Variants in SNTG1 observed in about 807,000 individuals in gnomAD.
The protein encoded by SNTG1 is gamma-1-syntrophin.
In SNTG1, 39 loss-of-function variants were observed where a neutral mutation model predicts 74.7. That is an observed-to-expected ratio of 0.52 (90% CI 0.40 to 0.68). The LOEUF (loss-of-function observed/expected upper bound fraction) is 0.68. Among genes scored for constraint, SNTG1 ranks in the 30% least tolerant of loss-of-function variants. The pLI is 0.00. For synonymous variants in SNTG1, 254 were observed against 217.1 expected, an observed-to-expected ratio of 1.17 and a Z score of -1.49; for missense variants, 685 against 609.5, an observed-to-expected ratio of 1.12 and a Z score of -1.30.
intron 2 of SNTG1, among the ~76,000 whole-genome samples, chr8:50,198,323 A>G (rs1225669228): frequency 6.6e-6 from 1 of 152,224 alleles, no homozygotes; most frequent in Non-Finnish European, 1.5e-5. Flanking sequence ...TGTCCTGCTA[A>G]TAGCGTTTTT....
At chr8:50,363,840 C>A (rs900303128) in intron 2 of SNTG1, among the ~76,000 whole-genome samples, 1 of 152,054 alleles carries the variant, frequency 6.6e-6, no homozygotes, top group African/African-American at 2.4e-5. Context: ...TACTGGTCTA[C>A]CCAAGGATAG....
At chr8:49,937,799 G>C (rs900491387) in intron 1 of SNTG1, among the ~76,000 whole-genome samples, 1 of 152,152 alleles carries the variant, frequency 6.6e-6, no homozygotes, top group African/African-American at 2.4e-5. Flanking sequence ...TTTCCTTTTA[G>C]AGTTATTCAG....
intron 8 of SNTG1, among the ~76,000 whole-genome samples, chr8:50,494,279 A>G (rs755497963): frequency 6.6e-6 from 1 of 151,928 alleles, no homozygotes; most frequent in African/African-American, 2.4e-5. Flanking sequence ...GCAAAATTTC[A>G]TTTCTCACTT....
At chr8:50,320,010 G>T (rs563898884) in intron 2 of SNTG1, among the ~76,000 whole-genome samples, 2 of 152,164 alleles carry the variant, frequency 1.3e-5, no homozygotes, top group Non-Finnish European at 2.9e-5. Context: ...TGGTGTCAGG[G>T]TAATACTGAC....
At chr8:50,039,395 C>G (rs1290159455) in intron 1 of SNTG1, among the ~76,000 whole-genome samples, 1 of 130,326 alleles carries the variant, frequency 7.7e-6, no homozygotes, top group African/African-American at 2.9e-5. Context: ...GCGGAGCTTG[C>G]AGTGAGCCGA....
At chr8:50,338,319 A>T (rs1338921400) in intron 2 of SNTG1, among the ~76,000 whole-genome samples, 6 of 152,114 alleles carry the variant, frequency 3.9e-5, no homozygotes, top group Non-Finnish European at 4.4e-5. Context: ...AATAGCTCAC[A>T]CTAATGATCT....
intron 13 of SNTG1, among the ~76,000 whole-genome samples, chr8:50,653,651 C>T (rs185488307): frequency 2.4e-4 from 36 of 152,152 alleles, no homozygotes; most frequent in Admixed American, 9.2e-4. Flanking sequence ...ATTTCACTAA[C>T]GTAGTTACTT....
chr8:50,012,060 A>T (rs768592673), intron 1 of SNTG1, among the ~76,000 whole-genome samples: 26 of 152,198 alleles, frequency 1.7e-4, no homozygotes, highest in Non-Finnish European at 1.5e-4. Context: ...AGCCACATTA[A>T]ATATGTCTGT....
Position 50,122,074 on chromosome 8 carries a change from C to T in SNTG1, c.-102-50487C>T, listed in dbSNP as rs936349497. Among the ~76,000 whole-genome samples, 5 of 140,824 alleles carry T rather than the reference C, an allele frequency of 3.6e-5. 1 individual carries two copies. The highest frequency in any genetic ancestry group is 7.7e-5 in the African/African-American group (3 of 38,876). 92.4% of individuals were successfully genotyped at this position (140,824 alleles called of 152,430 possible). ...GCTCCTCAGCACCATGTCCAACCCT[C>T]GATGCCCCCTGCCTTGGTTTAGGGA... On this transcript the variant is annotated intron_variant, in intron 1 of 18. Transcript: ENST00000642720.
intron 1 of SNTG1, among the ~76,000 whole-genome samples, chr8:49,931,274 G>C (rs1328960220): frequency 6.6e-6 from 1 of 152,160 alleles, no homozygotes; most frequent in Non-Finnish European, 1.5e-5. Flanking sequence ...TTATTAAATT[G>C]GAATATCCAC....
chr8:50,431,774 G>A (rs909745363), intron 4 of SNTG1, among the ~76,000 whole-genome samples: 2 of 152,114 alleles, frequency 1.3e-5, no homozygotes, highest in Non-Finnish European at 2.9e-5. Context: ...AATTCCCCCT[G>A]ACAAATGATG....
chr8:50,616,921 A>G (rs2094889166), intron 13 of SNTG1, among the ~76,000 whole-genome samples: 1 of 152,282 alleles, frequency 6.6e-6, no homozygotes, highest in South Asian at 2.1e-4. Context: ...CTACCCATCT[A>G]CACAACAGCT....
chr8:50,303,036 A>G (rs2089720260), intron 2 of SNTG1, among the ~76,000 whole-genome samples: 1 of 152,198 alleles, frequency 6.6e-6, no homozygotes, highest in Admixed American at 6.6e-5. Flanking sequence ...CATATGCCAA[A>G]ATGTCTTAAA....
chr8:50,306,159 A>G (rs2089888610), intron 2 of SNTG1, among the ~76,000 whole-genome samples: 1 of 149,976 alleles, frequency 6.7e-6, no homozygotes, highest in African/African-American at 2.5e-5. Flanking sequence ...TTGATTTTCC[A>G]TTTTTGAATA....
intron 1 of SNTG1, among the ~76,000 whole-genome samples, chr8:50,031,678 A>G (rs953485453): frequency 3.3e-5 from 5 of 152,084 alleles, no homozygotes; most frequent in African/African-American, 1.2e-4. Flanking sequence ...AGAATAAACT[A>G]CCCTTGGATG....
At chr8:50,287,719 A>G (rs1357931298) in intron 2 of SNTG1, among the ~76,000 whole-genome samples, 2 of 152,056 alleles carry the variant, frequency 1.3e-5, no homozygotes, top group Non-Finnish European at 2.9e-5. Context: ...AATGATTTTA[A>G]TCCATACTCC....
chr8:49,963,637 G>A (rs1013109932), intron 1 of SNTG1, among the ~76,000 whole-genome samples: 24 of 152,138 alleles, frequency 1.6e-4, no homozygotes, highest in South Asian at 6.2e-4. Context: ...CAGCTGGGTG[G>A]AATTCAGTCC....
intron 1 of SNTG1, among the ~76,000 whole-genome samples, chr8:49,972,582 C>A (rs1172588990): frequency 6.6e-6 from 1 of 151,820 alleles, no homozygotes; most frequent in Admixed American, 6.6e-5. Context: ...AACAGGCAAC[C>A]TACAGAGTGG....
intron 11 of SNTG1, among the ~76,000 whole-genome samples, chr8:50,551,185 T>A (rs929381579): frequency 2.6e-5 from 4 of 152,010 alleles, no homozygotes; most frequent in African/African-American, 7.3e-5. Flanking sequence ...GTAATTTTTA[T>A]GATCAACTTA....
Sources: allele counts gnomAD v4.1 joint callset (sites outside exome capture counted in the v4.1 genomes callset), GRCh38; gene constraint gnomAD v4.1.1; transcripts MANE v1.5; gene names NCBI Gene and HGNC (gene_info 2026-07-23, HGNC 2026-07-21).